Variants in LRP1B observed in about 807,000 individuals in gnomAD.
LRP1B encodes the protein low-density lipoprotein receptor-related protein 1B.
Under a neutral mutation model 556.6 loss-of-function variants are expected in LRP1B, and 217 were observed. That is an observed-to-expected ratio of 0.39 (90% CI 0.35 to 0.44). The LOEUF (loss-of-function observed/expected upper bound fraction) is 0.44, where lower values mean the gene tolerates loss of function less well. LRP1B is among the 20% of genes least tolerant of loss of function. The pLI is 1.00. For missense variants in LRP1B, 5,053 were observed against 5,620.8 expected, an observed-to-expected ratio of 0.90 and a Z score of 3.23; for synonymous variants, 2,047 against 1,865.8, an observed-to-expected ratio of 1.10 and a Z score of -2.50.
intron 3 of LRP1B, 135 bp downstream of exon 3, chr2:141,480,261 G>T: frequency 1.1e-6 from 1 of 935,882 alleles, no homozygotes; most frequent in Non-Finnish European, 1.7e-6. Flanking sequence ...AAAATGTCTG[G>T]CAGTAAAATT....
chr2:141,287,283 A>G (rs1685756136), intron 3 of LRP1B, among the ~76,000 whole-genome samples: 1 of 151,568 alleles, frequency 6.6e-6, no homozygotes, highest in Non-Finnish European at 1.5e-5. Flanking sequence ...CTAAGGGAGA[A>G]TATAGGGCAT....
chr2:141,545,399 T>C (rs1428919871), intron 2 of LRP1B, among the ~76,000 whole-genome samples: 3 of 152,244 alleles, frequency 2.0e-5, no homozygotes, highest in Admixed American at 1.3e-4. Flanking sequence ...TAATGGGCCT[T>C]CAAAGATGTC....
intron 2 of LRP1B, among the ~76,000 whole-genome samples, chr2:141,519,139 G>C (rs900888992): frequency 6.6e-6 from 1 of 151,654 alleles, no homozygotes; most frequent in Non-Finnish European, 1.5e-5. Flanking sequence ...AAGAGGAAAC[G>C]GTGCTGTCAA....
At chr2:142,097,361 C>G (rs1344086619) in intron 1 of LRP1B, among the ~76,000 whole-genome samples, 1 of 151,450 alleles carries the variant, frequency 6.6e-6, no homozygotes, top group Non-Finnish European at 1.5e-5. Context: ...AAGGAAATTA[C>G]ATGTATTTGT....
Position 140,370,714 on chromosome 2 carries a change from T to G in LRP1B, c.11004A>C (p.Glu3668Asp), listed in dbSNP as rs1393186721. 1 of 1,612,322 alleles carries G rather than the reference T, an allele frequency of 6.2e-7. No homozygotes were observed. Among genetic ancestry groups the G allele is most frequent in the African/African-American group, 1.3e-5 (1 of 74,818 alleles). Residue 3668 changes from glutamate (E) to aspartate (D), a missense_variant, in exon 71 of 91, where the codon GAA becomes GAC. Physicochemically the swap from Glu to Asp is conservative, Grantham distance 45. Around this residue, in one of 5 missense-constraint regions of LRP1B, gnomAD observed 599 missense variants for 648.4 expected, o/e 0.92. Coordinates refer to ENST00000389484, the MANE Select transcript of LRP1B (RefSeq NM_018557.3). ...CVDGSDEENCERGGNICRADE... is the reference protein window; with the variant it reads ...CVDGSDEENCDRGGNICRADE... The stretch of plus-strand genomic sequence containing the variant: ...ACACACACAAAAATACCTTACCTCT[T>G]TCACAGTTCTCTTCATCACTGCCAT...
At chr2:140,728,990 A>G (rs1044541523) in intron 35 of LRP1B, among the ~76,000 whole-genome samples, 13 of 152,034 alleles carry the variant, frequency 8.6e-5, no homozygotes, top group African/African-American at 2.9e-4. Flanking sequence ...ATATAACAAA[A>G]TAAGATATGT....
At chr2:141,024,233 C>A (rs775059693) in intron 11 of LRP1B, among the ~76,000 whole-genome samples, 152 of 152,054 alleles carry the variant, frequency 1.0e-3, no homozygotes, top group Non-Finnish European at 1.9e-3. Context: ...ACTAAAGATA[C>A]CACCTGTCCC....
intron 22 of LRP1B, among the ~76,000 whole-genome samples, chr2:140,903,631 A>C (rs1694165303): frequency 6.6e-6 from 1 of 152,084 alleles, no homozygotes; most frequent in Non-Finnish European, 1.5e-5. Flanking sequence ...ATATGTGTCT[A>C]TATATCTTTT....
At chr2:141,810,160 AGAAAGAAG>A (rs879532078) in intron 2 of LRP1B, 111 bp downstream of exon 2, 21,859 of 439,054 alleles carry the variant, frequency 0.05, 2,016 homozygotes, top group African/African-American at 0.18. Context: ...AAAGAAAGAA[AGAAAGAAG>A]GAAAGAAAGA....
intron 66 of LRP1B, among the ~76,000 whole-genome samples, chr2:140,418,574 T>C (rs752249256): frequency 1.3e-4 from 20 of 152,030 alleles, no homozygotes; most frequent in Non-Finnish European, 2.4e-4. Context: ...CATCCCATAT[T>C]TGTGAAGCAG....
chr2:140,950,319 A>G lies in LRP1B; in HGVS notation c.3052T>C (p.Cys1018Arg). 1 of 1,612,902 alleles carries G rather than the reference A, an allele frequency of 6.2e-7. No individual in the cohort carries two copies. Among genetic ancestry groups the G allele is most frequent in the South Asian group, 1.1e-5 (1 of 90,950 alleles). ...TCACAGGCCCAGTGGCCTGGGATGCATCTGCCACTGGAACATCTGAACTGA... is the reference window on the plus strand; with the variant it reads ...TCACAGGCCCAGTGGCCTGGGATGCGTCTGCCACTGGAACATCTGAACTGA... ...DNQFRCSSGR[C>R]IPGHWACDGD... The change falls in exon 20 of 91, where the codon TGC becomes CGC. Residue 1018 changes from cysteine (C) to arginine (R), a missense_variant. This residue lies in a region of LRP1B where 3,619 missense variants were observed against 3,931.9 expected (regional missense o/e 0.92). Transcript: ENST00000389484.
chr2:141,025,477 A>T (rs1281289632), intron 11 of LRP1B, among the ~76,000 whole-genome samples: 1 of 152,118 alleles, frequency 6.6e-6, no homozygotes, highest in African/African-American at 2.4e-5. Flanking sequence ...GTTTTAGATT[A>T]TATGAACATC....
intron 7 of LRP1B, among the ~76,000 whole-genome samples, chr2:141,072,127 C>G (rs779991694): frequency 6.6e-6 from 1 of 152,042 alleles, no homozygotes; most frequent in Non-Finnish European, 1.5e-5. Flanking sequence ...CCCTTCTGAT[C>G]TGCATTCTGA....
At position 140,333,032 on chromosome 2, in the gene LRP1B, T is replaced by A. The variant is rs144531559; in HGVS notation, c.12223+1421A>T. ...GCTAGAATAGAATCCAGTTTTGCAT[T>A]TGAGTCACCTTACCATCCTCATATC... On this transcript the variant is annotated intron_variant, in intron 79 of 90. Coordinates refer to ENST00000389484, the MANE Select transcript of LRP1B (RefSeq NM_018557.3). 4.7e-4 allele frequency among the ~76,000 whole-genome samples: 72 copies of A among 152,200 alleles called. 1 individual carries two copies. The highest frequency in any genetic ancestry group is 6.8e-3 in the Middle Eastern group (2 of 294).
intron 2 of LRP1B, among the ~76,000 whole-genome samples, chr2:141,551,838 C>G (rs1267645963): frequency 6.6e-6 from 1 of 151,964 alleles, no homozygotes; most frequent in Non-Finnish European, 1.5e-5. Context: ...ATAAACACCC[C>G]ATTATTTTCC....
intron 41 of LRP1B, among the ~76,000 whole-genome samples, chr2:140,676,415 A>C (rs996689206): frequency 2.6e-5 from 4 of 152,210 alleles, no homozygotes. Context: ...TGATTCATAA[A>C]TTTAAAGCCA....
chr2:140,861,897 G>T (rs564798086), intron 27 of LRP1B, among the ~76,000 whole-genome samples: 1 of 152,276 alleles, frequency 6.6e-6, no homozygotes, highest in South Asian at 2.1e-4. Context: ...GTGTGTGTGC[G>T]CATGCACACG....
chr2:141,169,794 C>T (rs1433840080), intron 7 of LRP1B, among the ~76,000 whole-genome samples: 1 of 135,476 alleles, frequency 7.4e-6, no homozygotes, highest in African/African-American at 2.9e-5. Context: ...CCTCCCACAC[C>T]TTAACCAAAA....
At chr2:141,635,047 A>ACAC (rs35004868) in intron 2 of LRP1B, among the ~76,000 whole-genome samples, 1 of 149,924 alleles carries the variant, frequency 6.7e-6, no homozygotes, top group African/African-American at 2.5e-5. Context: ...ACTATAGTGA[A>ACAC]ACACACACAC....
Sources: gnomAD v4.1 joint callset for allele counts (sites outside exome capture counted in the v4.1 genomes callset) on GRCh38, gnomAD v4.1.1 for gene constraint, gnomAD v4.1.1 regional missense constraint, MANE v1.5 for transcripts, NCBI Gene and HGNC (gene_info 2026-07-23, HGNC 2026-07-21) for gene names.